The following TTC6 variants were observed in gnomAD, a reference collection of about 807,000 sequenced individuals.
TTC6 encodes the protein tetratricopeptide repeat protein 6.
TTC6 carries 172 observed loss-of-function variants against 210.4 expected under a neutral mutation model. The observed-to-expected ratio is 0.82, with a 90% CI of 0.72 to 0.93. The LOEUF (loss-of-function observed/expected upper bound fraction) is 0.93, where lower values mean the gene tolerates loss of function less well. TTC6 is among the 40% of genes least tolerant of loss of function. TTC6 has a pLI of 0.00. For synonymous variants in TTC6, 804 were observed against 819.6 expected, an observed-to-expected ratio of 0.98 and a Z score of 0.32; for missense variants, 2,414 against 2,318.1, an observed-to-expected ratio of 1.04 and a Z score of -0.85.
chr14:37,710,524 T>C (rs1006927081), intron 5 of TTC6, among the ~76,000 whole-genome samples: 1 of 152,108 alleles, frequency 6.6e-6, no homozygotes, highest in Non-Finnish European at 1.5e-5. Context: ...TTCATTCAAC[T>C]CCCTCAATGA....
intron 1 of TTC6, among the ~76,000 whole-genome samples, chr14:37,641,863 C>T (rs563850891): frequency 3.3e-5 from 5 of 152,202 alleles, no homozygotes; most frequent in African/African-American, 1.2e-4. Context: ...TTATAGATAA[C>T]AAAACTGAGA....
intron 2 of TTC6, among the ~76,000 whole-genome samples, chr14:37,611,984 ATC>A (rs1488645435): frequency 5.7e-5 from 8 of 139,280 alleles, no homozygotes; most frequent in African/African-American, 1.9e-4. Flanking sequence ...TTTAAAGGAG[ATC>A]AATAGTTTTT....
intron 2 of TTC6, among the ~76,000 whole-genome samples, chr14:37,680,610 A>T (rs2095781377): frequency 1.3e-5 from 2 of 152,188 alleles, no homozygotes; most frequent in African/African-American, 4.8e-5. Context: ...AGCTAGAAGA[A>T]TTGTTAAAAG....
At chr14:37,730,420 T>C (rs529459435) in intron 7 of TTC6, among the ~76,000 whole-genome samples, 25 of 152,156 alleles carry the variant, frequency 1.6e-4, no homozygotes, top group Non-Finnish European at 3.4e-4. Context: ...CATGAAGGAT[T>C]GGCTTTAAAA....
chr14:37,729,725 C>T (rs769917569), intron 7 of TTC6, among the ~76,000 whole-genome samples: 10 of 152,134 alleles, frequency 6.6e-5, no homozygotes, highest in Non-Finnish European at 1.5e-4. Context: ...TGCACCTTCT[C>T]ATTTTATCCT....
chr14:37,644,300 A>G (rs2095697726), intron 1 of TTC6, among the ~76,000 whole-genome samples: 1 of 152,204 alleles, frequency 6.6e-6, no homozygotes, highest in Non-Finnish European at 1.5e-5. Flanking sequence ...GTGGTGTTCC[A>G]TAGGGCCAGG....
intron 1 of TTC6, among the ~76,000 whole-genome samples, chr14:37,669,698 A>G (rs532893605): frequency 2.0e-5 from 3 of 152,274 alleles, no homozygotes; most frequent in East Asian, 3.9e-4. Context: ...AATTTGTTTT[A>G]TAAGACCATA....
rs143420051 is a variant in TTC6 at position 37,751,287 on chromosome 14, A to C, written c.3129+62A>C. On this transcript the variant is annotated intron_variant, in intron 13 of 30. Coordinates refer to ENST00000553443, the Ensembl canonical transcript of TTC6. ...GTTTAGATTGCGATATCCTCATGCA[A>C]ATAGTACAGCAAGTTTTTGAAGGTC... The C allele has an allele frequency of 1.9e-4, 233 of 1,232,898 alleles. 1 individual carries two copies. In the African/African-American group the frequency reaches 3.2e-3, roughly 17 times the overall value. 76.4% of individuals were successfully genotyped at this position (1,232,898 alleles called of 1,614,324 possible). A position where few individuals can be genotyped will look rare whatever the true frequency, so the allele number is the denominator to read the frequency against.
intron 14 of TTC6, among the ~76,000 whole-genome samples, chr14:37,784,796 A>C (rs566210131): frequency 2.4e-4 from 36 of 152,196 alleles, no homozygotes; most frequent in African/African-American, 8.4e-4. Context: ...TTCCTTCAGG[A>C]GCTCCTGTAA....
At chr14:37,752,973 G>T in intron 13 of TTC6, 126 bp from the exon 16 acceptor site, 1 of 613,606 alleles carries the variant, frequency 1.6e-6, no homozygotes, top group Admixed American at 4.1e-5. Flanking sequence ...TGAAAATTTT[G>T]ACATCTTCAG....
downstream of TTC6, chr14:37,842,552 T>A (rs141420607): frequency 3.1e-3 from 832 of 264,618 alleles, 15 homozygotes; most frequent in Admixed American, 0.027. Flanking sequence ...TCTTAAGGAA[T>A]TAAATAGGAA....
intron 1 of TTC6, among the ~76,000 whole-genome samples, chr14:37,604,927 T>A (rs1021540389): frequency 6.6e-6 from 1 of 152,196 alleles, no homozygotes; most frequent in Non-Finnish European, 1.5e-5. Context: ...GAAGCTTTAG[T>A]TGCTCTCTTC....
At chr14:37,769,285 C>T (rs906152236) in intron 14 of TTC6, among the ~76,000 whole-genome samples, 82 of 151,560 alleles carry the variant, frequency 5.4e-4, no homozygotes, top group Non-Finnish European at 9.7e-4. Context: ...TGTCTCTGCC[C>T]GGCTTTGGTA....
chr14:37,804,378 G>A (rs1056506880), intron 20 of TTC6, among the ~76,000 whole-genome samples: 2 of 152,218 alleles, frequency 1.3e-5, no homozygotes, highest in African/African-American at 2.4e-5. Context: ...ACTTAAGCTT[G>A]TGTATATAGC....
Position 37,796,769 on chromosome 14 carries a change from A to G in TTC6, c.3869-18A>G, listed in dbSNP as rs1287308678. On this transcript the variant is annotated intron_variant, in intron 19 of 30. Coordinates refer to ENST00000553443, the Ensembl canonical transcript of TTC6. Reference sequence around the variant, plus strand: ...TGATACTTGGCAAAGATATTGATAAACTTTCCTTCCCTTTTAGGTCTCAGT... The same window carrying G: ...TGATACTTGGCAAAGATATTGATAAGCTTTCCTTCCCTTTTAGGTCTCAGT... 2.5e-6 allele frequency: 4 copies of G among 1,588,210 alleles called. No homozygotes were observed. The highest frequency in any genetic ancestry group is 4.5e-5 in the East Asian group (2 of 44,162).
intron 1 of TTC6, among the ~76,000 whole-genome samples, chr14:37,650,641 GTC>G (rs2095709561): frequency 6.6e-6 from 1 of 152,230 alleles, no homozygotes; most frequent in South Asian, 2.1e-4. Flanking sequence ...CCTGCTTCTT[GTC>G]TCTGCTAGAT....
intron 1 of TTC6, among the ~76,000 whole-genome samples, chr14:37,653,202 C>T (rs529484361): frequency 1.2e-4 from 19 of 152,306 alleles, no homozygotes; most frequent in African/African-American, 4.6e-4. Flanking sequence ...GATCCCATAT[C>T]TTCCCCTTTC....
chr14:37,660,376 T>C (rs1178275592), intron 1 of TTC6, among the ~76,000 whole-genome samples: 1 of 152,132 alleles, frequency 6.6e-6, no homozygotes, highest in Non-Finnish European at 1.5e-5. Flanking sequence ...CCTAATGCTC[T>C]CCCCCACACC....
At chr14:37,783,888 A>T (rs2096061453) in intron 14 of TTC6, among the ~76,000 whole-genome samples, 1 of 152,002 alleles carries the variant, frequency 6.6e-6, no homozygotes, top group South Asian at 2.1e-4. Flanking sequence ...TTTGTTATTT[A>T]CCCAGTAGTC....
Sources: gnomAD v4.1 joint callset for allele counts (sites outside exome capture counted in the v4.1 genomes callset) on GRCh38, gnomAD v4.1.1 for gene constraint, MANE v1.5 for transcripts, NCBI Gene and HGNC (gene_info 2026-07-23, HGNC 2026-07-21) for gene names.